The following ODAD2 variants were observed in gnomAD, a reference collection of about 807,000 sequenced individuals.
ODAD2 encodes outer dynein arm-docking complex subunit 2.
In ODAD2, 89 loss-of-function variants were observed where a neutral mutation model predicts 106.8. The ratio of observed to expected loss-of-function variants is 0.83; its 90% CI spans 0.70 to 0.99. The LOEUF (loss-of-function observed/expected upper bound fraction) is 0.99. Among genes scored for constraint, ODAD2 ranks in the 50% least tolerant of loss-of-function variants. The pLI is 0.00. For missense variants in ODAD2, 1,168 were observed against 1,238.5 expected (o/e 0.94, Z 0.85); for synonymous variants, 404 against 436.2 (o/e 0.93, Z 0.92).
Position 27,995,087 on chromosome 10 carries a change from C to A in ODAD2, c.56G>T (p.Gly19Val), listed in dbSNP as rs146727482. 1.2e-6 allele frequency: 2 copies of A among 1,614,020 alleles called. No homozygotes were observed. Among genetic ancestry groups the A allele is most frequent in the African/African-American group, 1.3e-5 (1 of 74,914 alleles). ...TQWTAAGHGT[G>V]ILEITPLNEA... Reference sequence around the variant, plus strand: ...ATTTAGAGGGGTGATTTCGAGGATTCCAGTTCCATGTCCGGCAGCAGTCCA... The same window carrying A: ...ATTTAGAGGGGTGATTTCGAGGATTACAGTTCCATGTCCGGCAGCAGTCCA... Residue 19 changes from glycine to valine, a missense_variant, in exon 2 of 20, where the codon GGA (glycine) becomes GTA (valine). This residue lies in a region of ODAD2 where 430 missense variants were observed against 452.2 expected (regional missense o/e 0.95). Coordinates refer to ENST00000305242, the MANE Select transcript of ODAD2 (RefSeq NM_018076.5).
rs988077933 is a variant in ODAD2 at position 27,860,658 on chromosome 10, G to C, written c.2988C>G (p.Asn996Lys). The C allele has an allele frequency of 6.2e-7, 1 of 1,613,976 alleles. No homozygotes were observed. The highest frequency in any genetic ancestry group is 8.5e-7 in the Non-Finnish European group (1 of 1,180,016). Residue 996 changes from asparagine to lysine, a missense_variant, in exon 19 of 20, where the codon AAC becomes AAG. Coordinates refer to ENST00000305242, the MANE Select transcript of ODAD2 (RefSeq NM_018076.5). ...ALYQLSEDAD[N>K]CITMHENGAV... ...CACCATTCTCATGCATGGTGATGCA[G>C]TTATCGGCGTCTTCTGAGAGTTGGT...
intron 6 of ODAD2, chr10:27,981,790 T>C: frequency 2.6e-6 from 1 of 384,168 alleles, no homozygotes; most frequent in Non-Finnish European, 4.6e-6. Context: ...CCTTCCTTCA[T>C]TCAATTGTTC....
At chr10:27,959,458 G>A (rs1311399788) in intron 10 of ODAD2, among the ~76,000 whole-genome samples, 2 of 151,964 alleles carry the variant, frequency 1.3e-5, no homozygotes, top group East Asian at 3.9e-4. Context: ...CAGTAAAGAT[G>A]CAGAGGCACT....
At chr10:27,995,644 C>G (rs554215986) in intron 1 of ODAD2, 2 of 153,838 alleles carry the variant, frequency 1.3e-5, no homozygotes, top group Admixed American at 1.3e-4. Context: ...TCCCGACTTT[C>G]TTACAGTGAC....
At chr10:27,962,314 T>C (rs1478044534) in intron 9 of ODAD2, among the ~76,000 whole-genome samples, 1 of 152,218 alleles carries the variant, frequency 6.6e-6, no homozygotes. Context: ...AAAAATCCAG[T>C]TCTCCAATCA....
intron 19 of ODAD2, among the ~76,000 whole-genome samples, chr10:27,818,471 T>A (rs1468778266): frequency 6.6e-6 from 1 of 152,100 alleles, no homozygotes; most frequent in Non-Finnish European, 1.5e-5. Context: ...TAATAGACAA[T>A]AATTATTACT....
intron 7 of ODAD2, among the ~76,000 whole-genome samples, chr10:27,976,262 TA>T (rs1034380530): frequency 6.6e-6 from 1 of 151,662 alleles, no homozygotes; most frequent in African/African-American, 2.4e-5. Flanking sequence ...TAAAAAGAAA[TA>T]AAAAAACTGT....
Position 27,812,394 on chromosome 10 carries a change from C to T in ODAD2, c.*118G>A, listed in dbSNP as rs1424219621. 1 of 872,674 alleles carries T rather than the reference C, an allele frequency of 1.1e-6. No individual in the cohort carries two copies. Among genetic ancestry groups the T allele is most frequent in the African/African-American group, 1.8e-5 (1 of 56,500 alleles). 54.1% of individuals were successfully genotyped at this position (872,674 alleles called of 1,614,324 possible). Reference sequence around the variant, plus strand: ...TGTGCATTTTCAATTTGTGTGTTTTCATTTAGATGGTTGAAAGGGTTTGCT... The same window carrying T: ...TGTGCATTTTCAATTTGTGTGTTTTTATTTAGATGGTTGAAAGGGTTTGCT... On this transcript the variant is annotated 3_prime_UTR_variant, in exon 20 of 20. Coordinates refer to ENST00000305242, the MANE Select transcript of ODAD2 (RefSeq NM_018076.5).
In ODAD2 at chr10:27,940,793, C is replaced by T. The variant is rs765811989; in HGVS notation, c.1756G>A (p.Asp586Asn). 1 of 1,613,792 alleles carries T rather than the reference C, an allele frequency of 6.2e-7. No individual in the cohort carries two copies. The highest frequency in any genetic ancestry group is 2.2e-5 in the East Asian group (1 of 44,850). Residue 586 changes from aspartate to asparagine, a missense_variant, in exon 13 of 20, where the codon GAC becomes AAC. Physicochemically the swap from Asp to Asn is conservative, Grantham distance 23 (BLOSUM62 1). Transcript: ENST00000305242. ...GGITKLVALL[D>N]CAHDSTKPAQ... ...GGTTTTGTGGAATCATGTGCACAGT[C>T]TAGTAGAGCAACCTATAATAATAGA...
intron 2 of ODAD2, among the ~76,000 whole-genome samples, chr10:27,990,477 C>T (rs1850159702): frequency 6.6e-6 from 1 of 152,178 alleles, no homozygotes; most frequent in Non-Finnish European, 1.5e-5. Context: ...CACCCGGCCC[C>T]ATTTAGTGTC....
chr10:27,926,571 G>GTTAAT (rs1845274579), intron 16 of ODAD2, among the ~76,000 whole-genome samples: 1 of 152,158 alleles, frequency 6.6e-6, no homozygotes, highest in Non-Finnish European at 1.5e-5. Context: ...TATGTAAGAT[G>GTTAAT]TTAAGGTTAA....
At chr10:27,963,809 G>GT (rs1848313273) in intron 9 of ODAD2, among the ~76,000 whole-genome samples, 1 of 126,252 alleles carries the variant, frequency 7.9e-6, no homozygotes, top group Admixed American at 8.4e-5. Flanking sequence ...GAGTTTTTTA[G>GT]ACCCCCATGC....
intron 12 of ODAD2, among the ~76,000 whole-genome samples, chr10:27,943,828 A>AAAAAAAAAC: frequency 6.9e-6 from 1 of 145,752 alleles, no homozygotes; most frequent in Non-Finnish European, 1.5e-5. Flanking sequence ...AAAAAAAAAA[A>AAAAAAAAAC]AGGCATCATA....
At chr10:27,825,019 C>T (rs1836929213) in intron 19 of ODAD2, among the ~76,000 whole-genome samples, 1 of 152,134 alleles carries the variant, frequency 6.6e-6, no homozygotes, top group South Asian at 2.1e-4. Context: ...AGCTGAACTC[C>T]TAATCCTCCC....
intron 17 of ODAD2, among the ~76,000 whole-genome samples, chr10:27,885,721 T>TAAAA (rs1842119465): frequency 2.4e-5 from 1 of 42,066 alleles, no homozygotes; most frequent in Non-Finnish European, 4.8e-5. Context: ...ATATTATATA[T>TAAAA]TATATATAAA....
At chr10:27,837,471 A>G (rs947502386) in intron 19 of ODAD2, among the ~76,000 whole-genome samples, 2 of 152,244 alleles carry the variant, frequency 1.3e-5, no homozygotes, top group African/African-American at 4.8e-5. Context: ...TCAGGTTTCC[A>G]CAATCAGAAA....
chr10:27,941,959 G>C (rs1343773821), intron 12 of ODAD2, among the ~76,000 whole-genome samples: 7 of 152,160 alleles, frequency 4.6e-5, no homozygotes, highest in Admixed American at 4.6e-4. Context: ...GCTTGAGACA[G>C]GTGGACACTC....
chr10:27,862,679 T>A (rs1235643847), intron 17 of ODAD2, 57 bp from the exon 18 acceptor site: 12 of 1,379,336 alleles, frequency 8.7e-6, no homozygotes, highest in African/African-American at 1.5e-5. Flanking sequence ...TTAGGCATTT[T>A]TTAAGAGGCA....
chr10:27,984,358 T>C, intron 4 of ODAD2, 68 bp from the exon 5 acceptor site: 2 of 1,035,408 alleles, frequency 1.9e-6, no homozygotes, highest in South Asian at 2.8e-5. Context: ...ATGAACACAT[T>C]TCATTGTATC....
Sources: allele counts gnomAD v4.1 joint callset (sites outside exome capture counted in the v4.1 genomes callset), GRCh38; gene constraint gnomAD v4.1.1; regional missense constraint gnomAD v4.1.1; transcripts MANE v1.5; gene names NCBI Gene and HGNC (gene_info 2026-07-23, HGNC 2026-07-21).